The following FMN2 variants were observed in gnomAD, a reference collection of about 807,000 sequenced individuals.
FMN2 encodes formin 2.
In FMN2, 51 loss-of-function variants were observed where a neutral mutation model predicts 142.3. That is an observed-to-expected ratio of 0.36 (90% CI 0.29 to 0.45). FMN2 has a LOEUF of 0.45. Among genes scored for constraint, FMN2 ranks in the 20% least tolerant of loss-of-function variants. The probability of loss-of-function intolerance (pLI) is 1.00; values close to 1 mark genes in which losing one functional copy is unlikely to be tolerated. For missense variants in FMN2, 1,936 were observed against 2,122.8 expected, an observed-to-expected ratio of 0.91 and a Z score of 1.73; for synonymous variants, 882 against 869.8, an observed-to-expected ratio of 1.01 and a Z score of -0.25.
At position 240,230,102 on chromosome 1, in the gene FMN2, ACC is replaced by A. The variant is rs1337930822; in HGVS notation, c.4065+18869_4065+18870del. On this transcript the variant is annotated intron_variant, in intron 6 of 17. Coordinates refer to ENST00000319653, the MANE Select transcript of FMN2 (RefSeq NM_020066.5). Reference sequence around the variant, plus strand: ...AGGCTGAGGTGGCAGGATCACTTGAACCCAGAAGTTTGAGACCAGCCTGGGAA... The same window carrying A: ...AGGCTGAGGTGGCAGGATCACTTGAACAGAAGTTTGAGACCAGCCTGGGAA... 7.6e-5 allele frequency among the ~76,000 whole-genome samples: 10 copies of A among 130,722 alleles called. 4 individuals are homozygous for A. The highest frequency in any genetic ancestry group is 1.3e-4 in the Non-Finnish European group (8 of 62,524). The allele number at this position is 130,722 out of a possible 152,430, so 85.8% of individuals were successfully genotyped here.
chr1:240,218,023 G>C (rs1161919306), intron 6 of FMN2, among the ~76,000 whole-genome samples: 1 of 152,020 alleles, frequency 6.6e-6, no homozygotes, highest in Non-Finnish European at 1.5e-5. Flanking sequence ...AGTGGCTCAC[G>C]CCTGTAATCC....
At chr1:240,335,017 G>A (rs2103020899) in intron 13 of FMN2, among the ~76,000 whole-genome samples, 1 of 152,296 alleles carries the variant, frequency 6.6e-6, no homozygotes, top group South Asian at 2.1e-4. Flanking sequence ...AACTTTTTAA[G>A]AGACTCCCAA....
chr1:240,438,629 T>G (rs9728596), intron 16 of FMN2, among the ~76,000 whole-genome samples: 1 of 152,120 alleles, frequency 6.6e-6, no homozygotes, highest in Non-Finnish European at 1.5e-5. Context: ...ATATCAAAAG[T>G]TCATCCAGAT....
intron 7 of FMN2, among the ~76,000 whole-genome samples, chr1:240,270,944 T>C (rs970036768): frequency 1.3e-5 from 2 of 151,920 alleles, no homozygotes; most frequent in African/African-American, 4.8e-5. Flanking sequence ...TGACTATGGT[T>C]AATAATAATG....
chr1:240,343,682 A>C (rs1348937657), intron 13 of FMN2, among the ~76,000 whole-genome samples: 1 of 152,202 alleles, frequency 6.6e-6, no homozygotes, highest in Non-Finnish European at 1.5e-5. Context: ...TATGCAAGAA[A>C]ATTTGAATAG....
At chr1:240,224,084 A>T (rs539081845) in intron 6 of FMN2, among the ~76,000 whole-genome samples, 2 of 151,932 alleles carry the variant, frequency 1.3e-5, no homozygotes, top group African/African-American at 4.8e-5. Context: ...TAGAGTGTTG[A>T]TTTTAGATCT....
chr1:240,187,605 CCT>C (rs1665534256), intron 3 of FMN2, among the ~76,000 whole-genome samples: 2 of 152,040 alleles, frequency 1.3e-5, no homozygotes, highest in East Asian at 1.9e-4. Context: ...AAGAAAGTGC[CCT>C]CTCGCTTACG....
At chr1:240,424,103 C>A (rs1017410841) in intron 15 of FMN2, among the ~76,000 whole-genome samples, 1 of 152,088 alleles carries the variant, frequency 6.6e-6, no homozygotes, top group Non-Finnish European at 1.5e-5. Context: ...GATTCTGATA[C>A]GTCTGTTAAA....
intron 15 of FMN2, among the ~76,000 whole-genome samples, chr1:240,425,926 G>A (rs925139237): frequency 1.3e-5 from 2 of 152,182 alleles, no homozygotes; most frequent in Non-Finnish European, 2.9e-5. Context: ...ATGAATAAGG[G>A]CAAAGCTGTA....
chr1:240,291,078 T>G (rs1036959987), intron 7 of FMN2, among the ~76,000 whole-genome samples: 2 of 152,140 alleles, frequency 1.3e-5, no homozygotes, highest in South Asian at 4.1e-4. Flanking sequence ...CCTCCCAGAG[T>G]GCTGGAATTA....
chr1:240,283,624 C>T lies in FMN2; in HGVS notation c.4154-11198C>T, dbSNP rs535162619. 5.9e-5 allele frequency among the ~76,000 whole-genome samples: 9 copies of T among 152,242 alleles called. No individual in the cohort carries two copies. The South Asian group carries it at 1.4e-3, about 25-fold the overall frequency. ...ATACAATAATGTCTAAGACAAGATC[C>T]CTGCTATTAGGCTCTTAAAAATCTT... is the stretch of plus-strand genomic sequence containing the variant. On this transcript the variant is annotated intron_variant, in intron 7 of 17. Transcript: ENST00000319653.
intron 7 of FMN2, among the ~76,000 whole-genome samples, chr1:240,276,336 G>A (rs186996973): frequency 6.6e-6 from 1 of 152,218 alleles, no homozygotes; most frequent in Non-Finnish European, 1.5e-5. Context: ...GGAATTAAAG[G>A]GTGTATATGA....
chr1:240,452,878 A>G (rs1676108429), intron 16 of FMN2, among the ~76,000 whole-genome samples: 1 of 152,172 alleles, frequency 6.6e-6, no homozygotes, highest in Non-Finnish European at 1.5e-5. Context: ...GAGTATGTAC[A>G]CAAGTTTATT....
At chr1:240,184,355 GC>G (rs1419322411) in intron 3 of FMN2, among the ~76,000 whole-genome samples, 1 of 143,898 alleles carries the variant, frequency 6.9e-6, no homozygotes, top group African/African-American at 2.6e-5. Flanking sequence ...TCCTGCGTCA[GC>G]CTCCCGAGTA....
At chr1:240,227,881 A>G (rs1667371140) in intron 6 of FMN2, among the ~76,000 whole-genome samples, 1 of 152,236 alleles carries the variant, frequency 6.6e-6, no homozygotes, top group Non-Finnish European at 1.5e-5. Context: ...AAAAACTTAA[A>G]AAGACAACCA....
chr1:240,175,337 A>G (rs1664872891), intron 2 of FMN2, among the ~76,000 whole-genome samples: 3 of 152,214 alleles, frequency 2.0e-5, no homozygotes, highest in Admixed American at 2.0e-4. Flanking sequence ...TCTGTGGCAT[A>G]TATATCCAGA....
At chr1:240,256,368 T>G (rs1668449355) in intron 6 of FMN2, among the ~76,000 whole-genome samples, 1 of 152,124 alleles carries the variant, frequency 6.6e-6, no homozygotes, top group African/African-American at 2.4e-5. Context: ...AGAATCAAAA[T>G]GTATATGTTG....
intron 1 of FMN2, among the ~76,000 whole-genome samples, chr1:240,109,746 A>T (rs565115862): frequency 1.1e-4 from 17 of 152,266 alleles, no homozygotes; most frequent in South Asian, 4.2e-4. Flanking sequence ...TAGCAAATAC[A>T]TCATCCTGAG....
At chr1:240,272,686 A>G (rs1350764902) in intron 7 of FMN2, among the ~76,000 whole-genome samples, 1 of 152,180 alleles carries the variant, frequency 6.6e-6, no homozygotes, top group African/African-American at 2.4e-5. Flanking sequence ...TTCTACAAAT[A>G]TAATCATAGT....
Sources: allele counts gnomAD v4.1 joint callset (sites outside exome capture counted in the v4.1 genomes callset), GRCh38; gene constraint gnomAD v4.1.1; transcripts MANE v1.5; gene names NCBI Gene and HGNC (gene_info 2026-07-23, HGNC 2026-07-21).